The following SLC4A4 variants were observed in gnomAD, a reference collection of about 807,000 sequenced individuals.
The protein encoded by SLC4A4 is electrogenic sodium bicarbonate cotransporter 1.
A neutral mutation model predicts 111.5 loss-of-function variants in SLC4A4; 27 were observed. The ratio of observed to expected loss-of-function variants is 0.24; its 90% CI spans 0.18 to 0.33. The LOEUF is 0.33. Among genes scored for constraint, SLC4A4 ranks in the 10% least tolerant of loss-of-function variants. The pLI, the probability that SLC4A4 is intolerant of heterozygous loss-of-function variation, is 1.00. For missense variants in SLC4A4, 909 were observed against 1,315.5 expected, an observed-to-expected ratio of 0.69 and a Z score of 4.78; for synonymous variants, 443 against 463.4, an observed-to-expected ratio of 0.96 and a Z score of 0.57.
In SLC4A4 at chr4:71,297,673, C is replaced by T. The variant is rs112905801; in HGVS notation, c.254-41697C>T. On this transcript the variant is annotated intron_variant, in intron 3 of 25. Coordinates refer to ENST00000264485, the MANE Select transcript of SLC4A4 (RefSeq NM_001098484.3). ...CGTAATATAGGCTCATTGCAACCTC[C>T]GCCTCCGAGGTTCAAGTGATTCTCC... 6.9e-3 allele frequency among the ~76,000 whole-genome samples: 1,047 copies of T among 151,090 alleles called. 16 individuals carry two copies. The highest frequency in any genetic ancestry group is 0.024 in the African/African-American group (1,000 of 41,058).
rs534138914 is a variant in SLC4A4, at chr4:71,268,292, T to G, written c.253+12893T>G. Among the ~76,000 whole-genome samples, 267 of 152,254 alleles carry G rather than the reference T, an allele frequency of 1.8e-3. 1 individual carries two copies. Among genetic ancestry groups the G allele is most frequent in the African/African-American group, 6.1e-3 (252 of 41,546 alleles). ...GGGCAATTCATTCTGGGTGAATATTTCAGTAACATTGGCTGTAAATCATAC... is the reference window on the plus strand; with the variant it reads ...GGGCAATTCATTCTGGGTGAATATTGCAGTAACATTGGCTGTAAATCATAC... On this transcript the variant is annotated intron_variant, in intron 3 of 25. Coordinates refer to ENST00000264485, the MANE Select transcript of SLC4A4 (RefSeq NM_001098484.3).
chr4:71,347,409 G>C (rs1729422548), intron 4 of SLC4A4, among the ~76,000 whole-genome samples: 1 of 152,158 alleles, frequency 6.6e-6, no homozygotes, highest in African/African-American at 2.4e-5. Flanking sequence ...TGGAGGCTGG[G>C]AGGTCCAAGA....
At chr4:71,152,127 T>TA (rs1701003752) in intron 2 of SLC4A4, among the ~76,000 whole-genome samples, 1 of 152,130 alleles carries the variant, frequency 6.6e-6, no homozygotes, top group African/African-American at 2.4e-5. Flanking sequence ...AAAGTATACT[T>TA]ACATTCTTAT....
At chr4:71,158,133 GTGTGTGTGTCTC>G (rs1353078220) in intron 2 of SLC4A4, among the ~76,000 whole-genome samples, 1 of 150,646 alleles carries the variant, frequency 6.6e-6, no homozygotes, top group African/African-American at 2.5e-5. Flanking sequence ...GTGTGTGTGT[GTGTGTGTGTCTC>G]TCTCTCTCTC....
At chr4:71,274,141 A>G (rs1025196393) in intron 3 of SLC4A4, among the ~76,000 whole-genome samples, 5 of 152,238 alleles carry the variant, frequency 3.3e-5, no homozygotes, top group Non-Finnish European at 7.3e-5. Flanking sequence ...GTATTCATAT[A>G]ATAAAGTTAG....
chr4:71,450,426 A>G lies in SLC4A4; in HGVS notation c.1091A>G (p.His364Arg). Residue 364 changes from histidine to arginine, a missense_variant, in exon 10 of 26, where the codon CAC (histidine) becomes CGC (arginine). Around this residue, in one of 7 missense-constraint regions of SLC4A4, gnomAD observed 312 missense variants for 402.0 expected, o/e 0.78. Coordinates refer to ENST00000264485, the MANE Select transcript of SLC4A4 (RefSeq NM_001098484.3). The stretch of plus-strand genomic sequence containing the variant: ...ATTGCTTATAAAGCAAAAGACAGGC[A>G]CGACCTGATTGCTGGTATTGATGAG... ...HDIAYKAKDR[H>R]DLIAGIDEFL... 1 of 1,612,702 alleles carries G rather than the reference A, an allele frequency of 6.2e-7. No individual in the cohort carries two copies. The highest frequency in any genetic ancestry group is 8.5e-7 in the Non-Finnish European group (1 of 1,178,710).
intron 1 of SLC4A4, among the ~76,000 whole-genome samples, chr4:71,211,911 A>G (rs750884002): frequency 6.6e-6 from 1 of 151,798 alleles, no homozygotes; most frequent in Non-Finnish European, 1.5e-5. Context: ...ATTAGACGCT[A>G]AAAACCAGGG....
intron 6 of SLC4A4, among the ~76,000 whole-genome samples, chr4:71,375,798 G>A (rs1272551530): frequency 6.6e-6 from 1 of 152,014 alleles, no homozygotes; most frequent in Non-Finnish European, 1.5e-5. Flanking sequence ...ATGCTCATTA[G>A]TTTATATTGT....
chr4:71,334,185 C>T (rs1728243240), intron 3 of SLC4A4, among the ~76,000 whole-genome samples: 1 of 152,074 alleles, frequency 6.6e-6, no homozygotes, highest in African/African-American at 2.4e-5. Context: ...TTCCTGGGTA[C>T]CCTTGATGTT....
chr4:71,233,272 G>A (rs1325234718), intron 1 of SLC4A4: 10 of 985,302 alleles, frequency 1.0e-5, no homozygotes, highest in Non-Finnish European at 1.1e-5. Flanking sequence ...AGAGAAAAGA[G>A]AACTACTGAA....
intron 7 of SLC4A4, among the ~76,000 whole-genome samples, chr4:71,417,683 A>T (rs1372840227): frequency 6.6e-6 from 1 of 152,156 alleles, no homozygotes; most frequent in Non-Finnish European, 1.5e-5. Flanking sequence ...AATACTATTA[A>T]ATACTTTAAA....
chr4:71,242,003 A>G (rs1720278951), intron 2 of SLC4A4, among the ~76,000 whole-genome samples: 1 of 152,128 alleles, frequency 6.6e-6, no homozygotes, highest in Admixed American at 6.5e-5. Context: ...TTAAATATTT[A>G]TATATAGATT....
At chr4:71,161,577 G>A (rs1158924760) in intron 2 of SLC4A4, among the ~76,000 whole-genome samples, 1 of 152,076 alleles carries the variant, frequency 6.6e-6, no homozygotes, top group African/African-American at 2.4e-5. Context: ...ATCTTTCATA[G>A]GAACTCTTCA....
chr4:71,530,673 C>G (rs1733838734), intron 16 of SLC4A4, among the ~76,000 whole-genome samples: 1 of 152,124 alleles, frequency 6.6e-6, no homozygotes, highest in African/African-American at 2.4e-5. Flanking sequence ...TCTGATCCTG[C>G]TGCTAGTTAG....
At chr4:71,541,343 A>G (rs1735036058) in intron 18 of SLC4A4, among the ~76,000 whole-genome samples, 2 of 152,130 alleles carry the variant, frequency 1.3e-5, no homozygotes, top group African/African-American at 4.8e-5. Context: ...TGAGAGCAGC[A>G]TTGAGGGCTG....
intron 2 of SLC4A4, among the ~76,000 whole-genome samples, chr4:71,102,681 G>A (rs1223911167): frequency 6.7e-6 from 1 of 148,902 alleles, no homozygotes; most frequent in African/African-American, 2.5e-5. Flanking sequence ...AGCTTCATAA[G>A]TGAAGGAGAA....
intron 1 of SLC4A4, among the ~76,000 whole-genome samples, chr4:71,225,801 C>G (rs1207053312): frequency 1.3e-5 from 2 of 152,240 alleles, no homozygotes; most frequent in African/African-American, 4.8e-5. Flanking sequence ...CAATCTGCAT[C>G]TGATCTGAGA....
chr4:71,440,160 A>AT (rs1028153661), intron 7 of SLC4A4, among the ~76,000 whole-genome samples: 4 of 149,142 alleles, frequency 2.7e-5, no homozygotes, highest in South Asian at 2.1e-4. Context: ...TACTTGTTTT[A>AT]TTTTTTTTTC....
intron 3 of SLC4A4, chr4:71,301,094 G>T: frequency 2.6e-6 from 1 of 387,990 alleles, no homozygotes; most frequent in East Asian, 7.2e-5. Context: ...AGGGCTGGAA[G>T]GACACCTGGC....
Sources: gnomAD v4.1 joint callset for allele counts (sites outside exome capture counted in the v4.1 genomes callset) on GRCh38, gnomAD v4.1.1 for gene constraint, gnomAD v4.1.1 regional missense constraint, MANE v1.5 for transcripts, NCBI Gene and HGNC (gene_info 2026-07-23, HGNC 2026-07-21) for gene names.